AHCY: variants seen among roughly 807,000 people sequenced by gnomAD.
AHCY encodes S-adenosyl-L-homocysteine hydrolase.
Under a neutral mutation model 45.4 loss-of-function variants are expected in AHCY, and 24 were observed. The observed-to-expected ratio is 0.53, with a 90% CI of 0.38 to 0.74. AHCY has a LOEUF of 0.74. Ranked by LOEUF, AHCY falls within the 30% of genes least tolerant of loss-of-function variation. The probability of loss-of-function intolerance (pLI) is 0.00; values close to 1 mark genes in which losing one functional copy is unlikely to be tolerated. For missense variants in AHCY, 449 were observed against 594.1 expected (o/e 0.76, Z 2.54); for synonymous variants, 245 against 235.1 (o/e 1.04, Z -0.39).
the AHCY span, chr20:34,269,432 A>C: frequency 4.4e-6 from 2 of 456,750 alleles, no homozygotes; most frequent in Non-Finnish European, 7.6e-6. Context: ...GGGGCTCAGG[A>C]AACCCGGGCG....
chr20:34,288,470 C>T (rs947924210), intron 8 of AHCY, among the ~76,000 whole-genome samples: 46 of 152,128 alleles, frequency 3.0e-4, no homozygotes, highest in Non-Finnish European at 1.0e-4. Context: ...GAGTTTGAGA[C>T]CAGCCTGGGG....
Position 34,284,163 on chromosome 20 carries a change from TG to T in AHCY, c.1167+1276del, listed in dbSNP as rs750137572. Among the ~76,000 whole-genome samples, 14 of 152,026 alleles carry T rather than the reference TG, an allele frequency of 9.2e-5. No homozygotes were observed. The East Asian group carries it at 1.4e-3, about 15-fold the overall frequency. ...CATAGTGAGATGCCATGCTTAGGGA[TG>T]TATCTTTTTTTTTTGAGACAGGGTC... On this transcript the variant is annotated intron_variant, in intron 9 of 9. Coordinates refer to ENST00000217426, the MANE Select transcript of AHCY (RefSeq NM_000687.4).
chr20:34,286,081 GGCGACGGA>G (rs1165359824), intron 8 of AHCY: 5 of 223,942 alleles, frequency 2.2e-5, no homozygotes, highest in South Asian at 1.8e-4. Flanking sequence ...CTGCAGCCTG[GGCGACGGA>G]GCGAGACTCT....
At chr20:34,276,307 T>C (rs1009616897), downstream of AHCY, among the ~76,000 whole-genome samples, 2 of 152,116 alleles carry the variant, frequency 1.3e-5, no homozygotes, top group Admixed American at 1.3e-4. Flanking sequence ...TTTGCTCAAG[T>C]CTAAGAACCA....
chr20:34,306,075 G>A (rs2036892425), upstream of AHCY, among the ~76,000 whole-genome samples: 1 of 83,394 alleles, frequency 1.2e-5, no homozygotes, highest in South Asian at 4.4e-4. Flanking sequence ...GAACAAGACT[G>A]CCTCAAAAAA....
the AHCY span, among the ~76,000 whole-genome samples, chr20:34,234,077 A>G: frequency 6.6e-6 from 1 of 152,338 alleles, no homozygotes; most frequent in South Asian, 2.1e-4. Context: ...TGGTGTCACC[A>G]TGTCCAATGT....
At chr20:34,258,674 C>CATATATATATATATATACATACTATATAT in the AHCY span, among the ~76,000 whole-genome samples, 2 of 12,154 alleles carry the variant, frequency 1.6e-4, no homozygotes, top group African/African-American at 3.8e-4. Flanking sequence ...AGGGGGATGC[C>CATATATATATATATATACATACTATATAT]ATATATATAT....
chr20:34,311,383 G>C (rs1174788820), intron 1 of AHCY: 1 of 152,258 alleles, frequency 6.6e-6, no homozygotes, highest in African/African-American at 2.4e-5. Context: ...CCCTTCTCCA[G>C]GTCCAGGCCC....
intron 1 of AHCY, 97 bp downstream of exon 1, chr20:34,303,146 G>T: frequency 6.5e-7 from 1 of 1,537,678 alleles, no homozygotes; most frequent in Non-Finnish European, 8.8e-7. Flanking sequence ...ATTCCAGGGG[G>T]TCCAGAGAGC....
the AHCY span, among the ~76,000 whole-genome samples, chr20:34,271,899 G>A: frequency 1.2e-4 from 18 of 151,978 alleles, no homozygotes; most frequent in Non-Finnish European, 1.8e-4. Context: ...CCATTTCCAC[G>A]TTTACAAAGT....
chr20:34,270,643 A>G, the AHCY span, among the ~76,000 whole-genome samples: 1 of 152,214 alleles, frequency 6.6e-6, no homozygotes, highest in African/African-American at 2.4e-5. Context: ...CCATTCATTC[A>G]TTCATTCAGC....
chr20:34,306,504 G>A (rs1398311656), upstream of AHCY, among the ~76,000 whole-genome samples: 2 of 151,978 alleles, frequency 1.3e-5, no homozygotes, highest in Admixed American at 6.6e-5. Flanking sequence ...AAGTACCTGG[G>A]ATTACAGGCA....
chr20:34,251,760 C>T, the AHCY span, among the ~76,000 whole-genome samples: 3 of 152,124 alleles, frequency 2.0e-5, no homozygotes, highest in Admixed American at 6.5e-5. Flanking sequence ...GTGGCAGAGC[C>T]CTCATGAATG....
intron 8 of AHCY, among the ~76,000 whole-genome samples, chr20:34,288,498 T>G (rs2036260850): frequency 6.6e-6 from 1 of 152,020 alleles, no homozygotes; most frequent in Non-Finnish European, 1.5e-5. Context: ...CAAGGCCTCG[T>G]CTCTACAAAA....
At chr20:34,245,882 A>G in the AHCY span, 26 of 1,216,520 alleles carry the variant, frequency 2.1e-5, no homozygotes, top group Admixed American at 3.4e-4. Flanking sequence ...ATATGTATAT[A>G]TAAAGGCCTC....
the AHCY span, among the ~76,000 whole-genome samples, chr20:34,244,162 G>A: frequency 6.6e-6 from 1 of 152,160 alleles, no homozygotes; most frequent in South Asian, 2.1e-4. Flanking sequence ...AGAAGTGTCC[G>A]CAGCAATTTA....
chr20:34,287,217 A>T (rs1456287239), intron 8 of AHCY, among the ~76,000 whole-genome samples: 1 of 152,072 alleles, frequency 6.6e-6, no homozygotes, highest in Non-Finnish European at 1.5e-5. Context: ...ATACCCATCT[A>T]AGCCCCTTGC....
At chr20:34,240,101 T>C in the AHCY span, among the ~76,000 whole-genome samples, 1 of 152,276 alleles carries the variant, frequency 6.6e-6, no homozygotes, top group East Asian at 1.9e-4. Flanking sequence ...TGTTCTATAC[T>C]GTTTTGAAAG....
At chr20:34,235,840 A>AAG in the AHCY span, among the ~76,000 whole-genome samples, 5 of 53,786 alleles carry the variant, frequency 9.3e-5, no homozygotes, top group African/African-American at 9.6e-4. Flanking sequence ...AAAGAAAGAA[A>AAG]GAAGGAAGGA....
Sources: allele counts gnomAD v4.1 joint callset (sites outside exome capture counted in the v4.1 genomes callset), GRCh38; gene constraint gnomAD v4.1.1; transcripts MANE v1.5; gene names NCBI Gene and HGNC (gene_info 2026-07-23, HGNC 2026-07-21).